The following NLGN4X variants were observed in gnomAD, a reference collection of about 807,000 sequenced individuals.
NLGN4X encodes the protein neuroligin-4, X-linked.
Under a neutral mutation model 40.3 loss-of-function variants are expected in NLGN4X, and 3 were observed. The ratio of observed to expected loss-of-function variants is 0.07; its 90% confidence interval spans 0.03 to 0.19. The LOEUF (loss-of-function observed/expected upper bound fraction) is 0.19. Among genes scored for constraint, NLGN4X ranks in the 10% least tolerant of loss-of-function variants. The pLI, the probability that NLGN4X is intolerant of heterozygous loss-of-function variation, is 1.00. For synonymous variants in NLGN4X, 270 were observed against 306.8 expected, an observed-to-expected ratio of 0.88 and a Z score of 1.25; for missense variants, 382 against 708.3, an observed-to-expected ratio of 0.54 and a Z score of 5.23.
rs1369815002 is a variant in NLGN4X at position 6,073,301 on chromosome X, A to G, written c.473-43869T>C. On this transcript the variant is annotated intron_variant, in intron 2 of 5. Coordinates refer to ENST00000381095, the MANE Select transcript of NLGN4X (RefSeq NM_181332.3). ...TTTTTCTACAGCAGCACATACGGCCATGTTTTGAACAAATTTGGAACTCAA... is the reference window on the plus strand; with the variant it reads ...TTTTTCTACAGCAGCACATACGGCCGTGTTTTGAACAAATTTGGAACTCAA... 2.7e-5 allele frequency among the ~76,000 whole-genome samples: 3 copies of G among 112,376 alleles called. No homozygotes were observed. In the Admixed American group the frequency reaches 2.8e-4, roughly 11 times the overall value.
chrX:6,180,270 G>A (rs1474558603), intron 1 of NLGN4X, among the ~76,000 whole-genome samples: 1 of 111,530 alleles, frequency 9.0e-6, no homozygotes, highest in Non-Finnish European at 1.9e-5. Context: ...ATGGAGGTGG[G>A]GCCTGGTGGG....
chrX:5,929,575 C>T (rs1227695736), intron 3 of NLGN4X, among the ~76,000 whole-genome samples: 1 of 112,187 alleles, frequency 8.9e-6, no homozygotes, highest in African/African-American at 3.2e-5. Flanking sequence ...TATGCATGCA[C>T]ACATGTGTGC....
chrX:6,014,796 A>G (rs1416623873), intron 3 of NLGN4X, among the ~76,000 whole-genome samples: 2 of 111,788 alleles, frequency 1.8e-5, no homozygotes, highest in African/African-American at 3.3e-5. Context: ...CACTAAGAAC[A>G]ATACACTAGT....
At chrX:6,214,672 A>T (rs909166332) in intron 1 of NLGN4X, among the ~76,000 whole-genome samples, 2 of 111,316 alleles carry the variant, frequency 1.8e-5, no homozygotes, top group African/African-American at 3.3e-5. Context: ...AGTCCGAAGG[A>T]TCCCTTGAGC....
intron 3 of NLGN4X, among the ~76,000 whole-genome samples, chrX:5,989,093 TA>T (rs773830747): frequency 2.5e-3 from 195 of 76,600 alleles, no homozygotes; most frequent in Middle Eastern, 0.012. Flanking sequence ...ATAAAAAAAA[TA>T]AAAAAAAAAA....
At chrX:5,905,877 G>C (rs1423646330) in intron 4 of NLGN4X, among the ~76,000 whole-genome samples, 1 of 111,342 alleles carries the variant, frequency 9.0e-6, no homozygotes, top group African/African-American at 3.3e-5. Context: ...GGCTTGTCTT[G>C]AACTCCTGGA....
At chrX:6,226,628 A>C (rs1369761031) in intron 1 of NLGN4X, 1 of 112,644 alleles carries the variant, frequency 8.9e-6, no homozygotes, top group African/African-American at 3.3e-5. Flanking sequence ...GAGGGACCCC[A>C]GCCTACCGGT....
At chrX:5,939,260 G>A (rs2033835498) in intron 3 of NLGN4X, among the ~76,000 whole-genome samples, 1 of 110,540 alleles carries the variant, frequency 9.0e-6, no homozygotes, top group Non-Finnish European at 1.9e-5. Flanking sequence ...GTGGAGGGAG[G>A]GAGAATGCAA....
intron 2 of NLGN4X, among the ~76,000 whole-genome samples, chrX:6,139,889 G>A (rs2039905997): frequency 9.0e-6 from 1 of 111,204 alleles, no homozygotes; most frequent in Non-Finnish European, 1.9e-5. Flanking sequence ...TGCCTCTAAA[G>A]AAAATAAGGA....
intron 1 of NLGN4X, among the ~76,000 whole-genome samples, chrX:6,224,467 A>G (rs1428534916): frequency 8.9e-6 from 1 of 112,113 alleles, no homozygotes; most frequent in Non-Finnish European, 1.9e-5. Context: ...CTTTCCACAA[A>G]TTACTACACA....
At chrX:6,068,157 G>A (rs958461287) in intron 2 of NLGN4X, among the ~76,000 whole-genome samples, 7 of 111,787 alleles carry the variant, frequency 6.3e-5, no homozygotes, top group Non-Finnish European at 1.3e-4. Context: ...AAGGATGAAA[G>A]AGAATTGATT....
intron 3 of NLGN4X, among the ~76,000 whole-genome samples, chrX:5,999,802 C>T (rs760505196): frequency 5.4e-5 from 6 of 112,134 alleles, no homozygotes; most frequent in African/African-American, 1.9e-4. Context: ...GACCCTACTC[C>T]TGAATGTGGC....
rs1569106219 is a variant in NLGN4X, at chrX:5,890,262, CTTTT to C, written c.*2551_*2554del. The C allele has an allele frequency of 7.3e-6, 1 of 136,880 alleles. No individual in the cohort carries two copies. 11.3% of individuals were successfully genotyped at this position (136,880 alleles called of 1,213,427 possible). A position where few individuals can be genotyped will look rare whatever the true frequency, so the allele number is the denominator to read the frequency against. ...TTCTTACTTTTTTCTCATTTTTTTT[CTTTT>C]TTCTCTTTTTTATAGATAGCAAGTA... On this transcript the variant is annotated 3_prime_UTR_variant, in exon 6 of 6. Coordinates refer to ENST00000381095, the MANE Select transcript of NLGN4X (RefSeq NM_181332.3).
chrX:6,178,921 C>T (rs778376050), intron 1 of NLGN4X, among the ~76,000 whole-genome samples: 385 of 110,432 alleles, frequency 3.5e-3, no homozygotes, highest in Non-Finnish European at 4.8e-3. Flanking sequence ...CATAGGAAAA[C>T]CGTGTCTCTA....
chrX:5,941,488 G>T (rs2033945125), intron 3 of NLGN4X, among the ~76,000 whole-genome samples: 1 of 111,680 alleles, frequency 9.0e-6, no homozygotes, highest in Admixed American at 9.6e-5. Context: ...TGAATTTCAG[G>T]AAAGGAGCAC....
intron 1 of NLGN4X, among the ~76,000 whole-genome samples, chrX:6,195,267 G>A (rs1214078433): frequency 2.7e-5 from 3 of 111,999 alleles, no homozygotes; most frequent in Non-Finnish European, 5.6e-5. Context: ...CCCATTAGTT[G>A]AGAACACTAA....
intron 3 of NLGN4X, among the ~76,000 whole-genome samples, chrX:5,917,050 C>T (rs1336764032): frequency 8.9e-6 from 1 of 112,407 alleles, no homozygotes; most frequent in African/African-American, 3.2e-5. Context: ...CACTTGCTAG[C>T]TATTTCCAGA....
At chrX:6,073,674 A>C (rs770488648) in intron 2 of NLGN4X, among the ~76,000 whole-genome samples, 1 of 111,251 alleles carries the variant, frequency 9.0e-6, no homozygotes, top group Non-Finnish European at 1.9e-5. Flanking sequence ...CATTTATTAG[A>C]TCATATATAA....
rs148704284 is a variant in NLGN4X, at chrX:6,022,753, T to C, written c.625+6527A>G. 2.4e-4 allele frequency among the ~76,000 whole-genome samples: 27 copies of C among 111,860 alleles called. 1 individual carries two copies. The East Asian group carries it at 6.5e-3, about 27-fold the overall frequency. The stretch of plus-strand genomic sequence containing the variant: ...AAAGGTGAGACCACTCTGGCCGATG[T>C]TGCAAGAATGCTTCAGAGCTCAGCC... On this transcript the variant is annotated intron_variant, in intron 3 of 5. Transcript: ENST00000381095.
Sources: allele counts gnomAD v4.1 joint callset (sites outside exome capture counted in the v4.1 genomes callset), GRCh38; gene constraint gnomAD v4.1.1; transcripts MANE v1.5; gene names NCBI Gene and HGNC (gene_info 2026-07-23, HGNC 2026-07-21).